Variants in EP400 observed in about 807,000 individuals in gnomAD.
The protein encoded by EP400 is E1A-binding protein p400.
In EP400, 105 loss-of-function variants were observed where a neutral mutation model predicts 354.1. That is an observed-to-expected ratio of 0.30 (90% CI 0.25 to 0.35). The LOEUF is 0.35. EP400 is among the 10% of genes least tolerant of loss of function. The pLI, the probability that EP400 is intolerant of heterozygous loss-of-function variation, is 1.00. For synonymous variants in EP400, 1,646 were observed against 1,716.9 expected, an observed-to-expected ratio of 0.96 and a Z score of 1.02; for missense variants, 3,280 against 4,121.0, an observed-to-expected ratio of 0.80 and a Z score of 5.59.
At chr12:132,055,471 T>G (rs1895457108) in intron 45 of EP400, among the ~76,000 whole-genome samples, 1 of 131,800 alleles carries the variant, frequency 7.6e-6, no homozygotes, top group Non-Finnish European at 1.6e-5. Flanking sequence ...TGTGTGTGTG[T>G]GTGAGGTGTA....
intron 50 of EP400, chr12:132,068,951 T>G (rs1269582737): frequency 6.5e-6 from 1 of 153,128 alleles, no homozygotes; most frequent in East Asian, 1.9e-4. Flanking sequence ...GGCTGTGTGT[T>G]CCTACGATTG....
intron 12 of EP400, among the ~76,000 whole-genome samples, chr12:131,999,224 T>C (rs1893324717): frequency 6.6e-6 from 1 of 152,082 alleles, no homozygotes; most frequent in Non-Finnish European, 1.5e-5. Flanking sequence ...CAGTTGTAAA[T>C]GGGATAACCA....
chr12:132,051,943 G>A (rs1194713853), intron 41 of EP400, among the ~76,000 whole-genome samples: 1 of 152,170 alleles, frequency 6.6e-6, no homozygotes, highest in Non-Finnish European at 1.5e-5. Context: ...CTAGACCCAG[G>A]AGCCCTCTGG....
chr12:132,028,176 C>T lies in EP400; in HGVS notation c.5269C>T (p.Arg1757Cys), dbSNP rs770817538. Reference sequence around the variant, plus strand: ...GTGGCGTGGGTCCCTGGATGGCCGTCGTGGGAAGGAGGCCGGGCCAGCGCA... The same window carrying T: ...GTGGCGTGGGTCCCTGGATGGCCGTTGTGGGAAGGAGGCCGGGCCAGCGCA... ...VQWRGSLDGRRGKEAGPAHSY... is the reference protein window; with the variant it reads ...VQWRGSLDGRCGKEAGPAHSY... The change falls in exon 27 of 53, where the codon CGT becomes TGT. Residue 1757 changes from arginine (R) to cysteine (C), a missense_variant. Arg to Cys is a radical substitution (Grantham distance 180). This residue lies in a region of EP400 where 459 missense variants were observed against 496.9 expected (regional missense o/e 0.92). Transcript: ENST00000389561. The T allele has an allele frequency of 7.4e-6, 12 of 1,614,126 alleles. No homozygotes were observed. The highest frequency in any genetic ancestry group is 3.3e-5 in the Admixed American group (2 of 60,010).
At chr12:132,010,767 C>T (rs1293325628) in intron 15 of EP400, among the ~76,000 whole-genome samples, 1 of 152,126 alleles carries the variant, frequency 6.6e-6, no homozygotes, top group Non-Finnish European at 1.5e-5. Context: ...CATGGTGACA[C>T]CCCGTCTCTA....
At position 132,062,590 on chromosome 12, in the gene EP400, GCAA is replaced by G. The variant is rs746511450; in HGVS notation, c.8226_8228del (p.Gln2748del). The G allele has an allele frequency of 1.1e-5, 17 of 1,598,384 alleles. No homozygotes were observed. The East Asian group carries it at 2.0e-4, about 19-fold the overall frequency. ...AGCAGCAGCAGCAGCAGCAGCAGCA[GCAA>G]CAGCAGCAGCAGCAACAGACGACGA... On this transcript the variant is annotated inframe_deletion, in exon 47 of 53. Coordinates refer to ENST00000389561, the MANE Select transcript of EP400 (RefSeq NM_015409.5).
At position 132,062,145 on chromosome 12, in the gene EP400, C is replaced by T. The variant is rs369069681; in HGVS notation, c.7920C>T (p.His2640=). 8 of 1,613,690 alleles carry T rather than the reference C, an allele frequency of 5.0e-6. No individual in the cohort carries two copies. In the African/African-American group the frequency reaches 5.3e-5, roughly 11 times the overall value. Residue 2640 remains histidine (H), a synonymous_variant, in exon 46 of 53, where the codon CAC becomes CAT. Transcript: ENST00000389561. ...PGGSAPAQVV[H]TQPPPRAVGS... is the part of the protein sequence containing the mutation. ...GCTCTGCTCCCGCCCAGGTGGTGCACACCCAGCCCCCGCCACGGGCAGTCG... is the reference window on the plus strand; with the variant it reads ...GCTCTGCTCCCGCCCAGGTGGTGCATACCCAGCCCCCGCCACGGGCAGTCG...
In EP400 at chr12:132,079,994, C is replaced by G. The variant is rs1019012184; in HGVS notation, c.*2321C>G. On this transcript the variant is annotated 3_prime_UTR_variant, in exon 53 of 53. Transcript: ENST00000389561. ...AAGTACGCGTTCAGGAAGCTGTTGT[C>G]TAGGCCTTCCCCTTGTGAATCTGGG... The G allele has an allele frequency of 2.0e-5, 3 of 152,246 alleles. No homozygotes were observed. Among genetic ancestry groups the G allele is most frequent in the African/African-American group, 4.8e-5 (2 of 41,466 alleles). 9.4% of individuals were successfully genotyped at this position (152,246 alleles called of 1,614,324 possible). A position where few individuals can be genotyped will look rare whatever the true frequency, so the allele number is the denominator to read the frequency against.
chr12:131,974,687 T>C (rs1331382996), intron 2 of EP400, among the ~76,000 whole-genome samples: 1 of 152,176 alleles, frequency 6.6e-6, no homozygotes, highest in African/African-American at 2.4e-5. Flanking sequence ...CATAATGGTT[T>C]TTGATCAAAA....
Position 132,041,238 on chromosome 12 carries a change from G to A in EP400, c.6208-2066G>A, listed in dbSNP as rs147292555. ...AACGCTCATCAGAGGATTTGTGCCT[G>A]CAAAATGGTTTTAAGAAAAGTCCTT... On this transcript the variant is annotated intron_variant, in intron 32 of 52. Transcript: ENST00000389561. Among the ~76,000 whole-genome samples the A allele has an allele frequency of 3.5e-3, 526 of 152,358 alleles. 5 individuals carry two copies. The highest frequency in any genetic ancestry group is 0.012 in the African/African-American group (483 of 41,588).
At chr12:132,012,918 G>A (rs558999964) in intron 16 of EP400, 91 bp from the exon 17 acceptor site, 2 of 1,358,204 alleles carry the variant, frequency 1.5e-6, no homozygotes, top group African/African-American at 1.5e-5. Flanking sequence ...CGGAGTCACT[G>A]GGTGGCAAGC....
At chr12:132,012,685 T>C (rs1405215712) in intron 16 of EP400, among the ~76,000 whole-genome samples, 1 of 152,210 alleles carries the variant, frequency 6.6e-6, no homozygotes, top group East Asian at 1.9e-4. Context: ...ACACTTCCCC[T>C]TGTTTTGATT....
At chr12:131,981,949 T>C (rs974288196) in intron 4 of EP400, 144 bp from the exon 5 acceptor site, 4 of 1,090,864 alleles carry the variant, frequency 3.7e-6, no homozygotes, top group Non-Finnish European at 5.2e-6. Context: ...TCCTTTTGTG[T>C]GTGCTCGGTT....
At chr12:132,044,544 T>A in intron 35 of EP400, 127 bp from the exon 36 acceptor site, 1 of 1,237,848 alleles carries the variant, frequency 8.1e-7, no homozygotes, top group Non-Finnish European at 1.1e-6. Context: ...CATTTATAAG[T>A]CTTATAAATA....
chr12:132,015,973 A>G (rs1385418691), intron 19 of EP400, among the ~76,000 whole-genome samples: 1 of 151,300 alleles, frequency 6.6e-6, no homozygotes, highest in African/African-American at 2.4e-5. Flanking sequence ...GCCAGACCAG[A>G]CTCCCTACCT....
At chr12:132,031,841 C>T (rs113573118) in intron 29 of EP400, 112 bp from the exon 30 acceptor site, 49,660 of 1,144,336 alleles carry the variant, frequency 0.043, 1,309 homozygotes, top group Non-Finnish European at 0.053. Flanking sequence ...AGGTGTGAGC[C>T]GCCACGCCCG....
intron 21 of EP400, among the ~76,000 whole-genome samples, 194 bp from the exon 22 acceptor site, chr12:132,019,855 C>T (rs1894067046): frequency 1.3e-5 from 2 of 152,158 alleles, no homozygotes; most frequent in Non-Finnish European, 1.5e-5. Context: ...TTAGCCACTG[C>T]GCCCGGGCCC....
Position 132,053,633 on chromosome 12 carries a change from G to A in EP400, c.7728+36G>A, listed in dbSNP as rs746768567. On this transcript the variant is annotated intron_variant, in intron 43 of 52. Coordinates refer to ENST00000389561, the MANE Select transcript of EP400 (RefSeq NM_015409.5). Reference sequence around the variant, plus strand: ...GCCTCCTCCCGGGCTTCCCCTCTACGGGAAGTCACCCACACCTGCACTTGA... The same window carrying A: ...GCCTCCTCCCGGGCTTCCCCTCTACAGGAAGTCACCCACACCTGCACTTGA... 3.4e-6 allele frequency: 5 copies of A among 1,478,708 alleles called. No individual in the cohort carries two copies. The East Asian group carries it at 7.3e-5, about 22-fold the overall frequency. 91.6% of individuals were successfully genotyped at this position (1,478,708 alleles called of 1,614,324 possible).
chr12:132,041,599 A>G (rs976702712), intron 32 of EP400, among the ~76,000 whole-genome samples: 1 of 152,272 alleles, frequency 6.6e-6, no homozygotes, highest in Non-Finnish European at 1.5e-5. Context: ...GGAGTGGTTC[A>G]TTTGAATTGT....
Sources: allele counts gnomAD v4.1 joint callset (sites outside exome capture counted in the v4.1 genomes callset), GRCh38; gene constraint gnomAD v4.1.1; regional missense constraint gnomAD v4.1.1; transcripts MANE v1.5; gene names NCBI Gene and HGNC (gene_info 2026-07-23, HGNC 2026-07-21).